SNX24: variants seen among roughly 807,000 people sequenced by gnomAD.
SNX24 encodes sorting nexin 24.
Under a neutral mutation model 28.7 loss-of-function variants are expected in SNX24, and 22 were observed. The ratio of observed to expected loss-of-function variants is 0.77; its 90% CI spans 0.55 to 1.10. SNX24 has a LOEUF of 1.10. SNX24 is among the 50% of genes least tolerant of loss of function. SNX24 has a pLI of 0.00. For missense variants in SNX24, 221 were observed against 201.1 expected (o/e 1.10, Z -0.60); for synonymous variants, 69 against 71.5 (o/e 0.96, Z 0.18).
intron 3 of SNX24, among the ~76,000 whole-genome samples, chr5:122,965,234 C>T (rs1298856931): frequency 1.3e-5 from 2 of 152,184 alleles, no homozygotes; most frequent in African/African-American, 4.8e-5. Context: ...AGTGTTCCAA[C>T]AACAAGGGAA....
chr5:122,971,109 C>T (rs1317171810), intron 3 of SNX24, among the ~76,000 whole-genome samples: 1 of 152,204 alleles, frequency 6.6e-6, no homozygotes, highest in Non-Finnish European at 1.5e-5. Flanking sequence ...GTGTAGCCTT[C>T]AGTCTCTGGC....
chr5:122,936,312 C>T (rs1256124130), intron 1 of SNX24, among the ~76,000 whole-genome samples: 2 of 152,276 alleles, frequency 1.3e-5, no homozygotes, highest in African/African-American at 4.8e-5. Context: ...ATAGATGACA[C>T]AGTACTGCCT....
At chr5:122,877,127 A>T (rs246271) in intron 1 of SNX24, among the ~76,000 whole-genome samples, 3 of 151,806 alleles carry the variant, frequency 2.0e-5, no homozygotes, top group African/African-American at 7.3e-5. Flanking sequence ...AGAGGAGGGC[A>T]CATTCTGGTA....
At chr5:123,025,278 C>CCTT (rs1223439382) in intron 5 of SNX24, among the ~76,000 whole-genome samples, 2 of 152,076 alleles carry the variant, frequency 1.3e-5, no homozygotes, top group African/African-American at 4.8e-5. Flanking sequence ...AAAACTAAAA[C>CCTT]CTTATACCTA....
chr5:123,023,766 A>G, intron 5 of SNX24: 1 of 1,417,788 alleles, frequency 7.1e-7, no homozygotes, highest in Non-Finnish European at 9.3e-7. Flanking sequence ...GAATACAAAA[A>G]GAAAGTAAAA....
At chr5:122,886,381 C>T (rs1756714501) in intron 1 of SNX24, among the ~76,000 whole-genome samples, 1 of 152,262 alleles carries the variant, frequency 6.6e-6, no homozygotes, top group Middle Eastern at 3.4e-3. Context: ...CTCTCTCTCT[C>T]CTCTCTTCTA....
Position 122,848,164 on chromosome 5 carries a change from G to A in SNX24, c.60+2471G>A, listed in dbSNP as rs556200222. Among the ~76,000 whole-genome samples the A allele has an allele frequency of 5.3e-5, 8 of 152,216 alleles. No individual in the cohort carries two copies. In the South Asian group the frequency reaches 8.3e-4, roughly 16 times the overall value. ...GTCACCCAGGCTGGAGTGCAGTGGC[G>A]CAATCCTAGCTCACAGCAGCCTTGG... On this transcript the variant is annotated intron_variant, in intron 1 of 6. Transcript: ENST00000261369.
At chr5:122,903,497 C>A (rs1012437608) in intron 1 of SNX24, among the ~76,000 whole-genome samples, 2 of 152,172 alleles carry the variant, frequency 1.3e-5, no homozygotes, top group African/African-American at 4.8e-5. Context: ...ACAGGTCTTT[C>A]CCTCCGCTGG....
At chr5:122,897,807 T>G (rs1367866555) in intron 1 of SNX24, among the ~76,000 whole-genome samples, 1 of 152,178 alleles carries the variant, frequency 6.6e-6, no homozygotes, top group African/African-American at 2.4e-5. Context: ...AGTTTCAAGT[T>G]TACAGTAATA....
chr5:122,977,784 A>T (rs1761229223), intron 3 of SNX24, among the ~76,000 whole-genome samples: 1 of 152,216 alleles, frequency 6.6e-6, no homozygotes, highest in Non-Finnish European at 1.5e-5. Flanking sequence ...TACTTCTAAG[A>T]TTATGATTTT....
intron 1 of SNX24, among the ~76,000 whole-genome samples, chr5:122,923,338 C>CT (rs1049195828): frequency 6.8e-6 from 1 of 147,312 alleles, no homozygotes; most frequent in Non-Finnish European, 1.5e-5. Context: ...GACCCCATCT[C>CT]TAAAAAAAAA....
intron 2 of SNX24, among the ~76,000 whole-genome samples, chr5:122,937,241 G>A (rs1759218642): frequency 6.6e-6 from 1 of 152,182 alleles, no homozygotes; most frequent in Non-Finnish European, 1.5e-5. Context: ...TCATATACAT[G>A]TACTTCTGTA....
chr5:122,892,208 C>T (rs912227543), intron 1 of SNX24, among the ~76,000 whole-genome samples: 3 of 152,094 alleles, frequency 2.0e-5, no homozygotes, highest in Admixed American at 2.0e-4. Flanking sequence ...CACACACCCA[C>T]ACCCACACAC....
intron 2 of SNX24, among the ~76,000 whole-genome samples, chr5:122,940,595 A>G (rs1759398628): frequency 6.6e-6 from 1 of 152,182 alleles, no homozygotes; most frequent in Admixed American, 6.5e-5. Flanking sequence ...TATTTGAGAC[A>G]GAGTCTCACT....
chr5:122,876,322 C>G (rs1374467951), intron 1 of SNX24, among the ~76,000 whole-genome samples: 3 of 152,132 alleles, frequency 2.0e-5, no homozygotes, highest in African/African-American at 4.8e-5. Flanking sequence ...CCATTAATGT[C>G]AGCGTATAAA....
chr5:122,854,546 G>A (rs1321498132), intron 1 of SNX24, among the ~76,000 whole-genome samples: 2 of 148,760 alleles, frequency 1.3e-5, no homozygotes, highest in East Asian at 3.9e-4. Context: ...AAAACATAGT[G>A]TTACTTATGT....
intron 1 of SNX24, among the ~76,000 whole-genome samples, chr5:122,874,785 G>A (rs1244801989): frequency 6.6e-6 from 1 of 152,176 alleles, no homozygotes; most frequent in Non-Finnish European, 1.5e-5. Flanking sequence ...CCTACCACGG[G>A]CTAACCATGT....
At chr5:123,029,047 G>A in intron 5 of SNX24, 2 of 807,612 alleles carry the variant, frequency 2.5e-6, no homozygotes, top group Non-Finnish European at 3.8e-6. Context: ...AAATAAATAT[G>A]TTATGGAAGT....
intron 1 of SNX24, among the ~76,000 whole-genome samples, chr5:122,915,100 G>A (rs1264077442): frequency 2.0e-5 from 3 of 152,182 alleles, no homozygotes; most frequent in Non-Finnish European, 4.4e-5. Context: ...CTTAGTGGCT[G>A]AGTGCCCCAA....
Sources: gnomAD v4.1 joint callset for allele counts (sites outside exome capture counted in the v4.1 genomes callset) on GRCh38, gnomAD v4.1.1 for gene constraint, MANE v1.5 for transcripts, NCBI Gene and HGNC (gene_info 2026-07-23, HGNC 2026-07-21) for gene names.